Variants in SERPINH1 observed in about 807,000 individuals in gnomAD.
SERPINH1 encodes serpin family H member 1.
SERPINH1 carries 22 observed loss-of-function variants against 32.3 expected under a neutral mutation model. The ratio of observed to expected loss-of-function variants is 0.68; its 90% confidence interval spans 0.49 to 0.97. The LOEUF is 0.97. Ranked by LOEUF, SERPINH1 falls within the 50% of genes least tolerant of loss-of-function variation. The probability of loss-of-function intolerance (pLI) is 0.00; values close to 1 mark genes in which losing one functional copy is unlikely to be tolerated. For missense variants in SERPINH1, 543 were observed against 576.4 expected, an observed-to-expected ratio of 0.94 and a Z score of 0.59; for synonymous variants, 251 against 245.9, an observed-to-expected ratio of 1.02 and a Z score of -0.19.
At chr11:75,563,365 C>T (rs934608086) in intron 1 of SERPINH1, 1 of 152,494 alleles carries the variant, frequency 6.6e-6, no homozygotes, top group African/African-American at 2.4e-5. Context: ...CTCCTGTCTT[C>T]AGATGGTTCA....
chr11:75,566,422 G>A lies in SERPINH1; in HGVS notation c.73G>A (p.Ala25Thr), dbSNP rs775990446. ...AALAAEVKKP[A>T]AAAAPGTAEK... ...CCTGGCCGCCGAGGTGAAGAAACCT[G>A]CAGCCGCAGCAGCTCCTGGCACTGC... The change falls in exon 2 of 5, where the codon GCA becomes ACA. Residue 25 changes from alanine to threonine, a missense_variant. Transcript: ENST00000358171. 9.3e-6 allele frequency: 15 copies of A among 1,611,258 alleles called. No homozygotes were observed. The highest frequency in any genetic ancestry group is 1.7e-5 in the Admixed American group (1 of 59,816).
intron 4 of SERPINH1, 171 bp downstream of exon 4, chr11:75,569,342 G>A: frequency 3.3e-6 from 2 of 609,322 alleles, no homozygotes; most frequent in Non-Finnish European, 5.9e-6. Flanking sequence ...ATGCCCTTGG[G>A]AAGATGATGA....
rs370367671 is a variant in SERPINH1 at position 75,570,280 on chromosome 11, A to G, written c.954+1109A>G. Among the ~76,000 whole-genome samples the G allele has an allele frequency of 3.4e-4, 52 of 152,322 alleles. No homozygotes were observed. In the East Asian group the frequency reaches 8.3e-3, roughly 24 times the overall value. ...CTTGCTGCCCAGAGAGCTTGGAGAGATAAAGCTGGAGATGAAGTGGGGCTT... is the reference window on the plus strand; with the variant it reads ...CTTGCTGCCCAGAGAGCTTGGAGAGGTAAAGCTGGAGATGAAGTGGGGCTT... On this transcript the variant is annotated intron_variant, in intron 4 of 4. Transcript: ENST00000358171.
intron 3 of SERPINH1, 35 bp downstream of exon 3, chr11:75,568,864 T>G (rs755002360): frequency 2.5e-6 from 4 of 1,606,012 alleles, no homozygotes; most frequent in Non-Finnish European, 2.6e-6. Context: ...TCAAGGTGGG[T>G]GGGGGTCCAA....
rs575049272 is a variant in SERPINH1 at position 75,565,373 on chromosome 11, T to C, written c.-34-943T>C. Among the ~76,000 whole-genome samples the C allele has an allele frequency of 2.0e-5, 3 of 152,336 alleles. No homozygotes were observed. The East Asian group carries it at 5.8e-4, about 29-fold the overall frequency. On this transcript the variant is annotated intron_variant, in intron 1 of 4. Transcript: ENST00000358171. ...GGGGTCACTGCTCTATTGAGCTATGTGTGACTCACCCTTTTCCCTAGTATC... is the reference window on the plus strand; with the variant it reads ...GGGGTCACTGCTCTATTGAGCTATGCGTGACTCACCCTTTTCCCTAGTATC...
In SERPINH1 at chr11:75,572,218, G is replaced by C. The variant is rs964778897; in HGVS notation, c.*135G>C. ...GGTGGGGGTGGAAAAACAGACCGGGGTTCCCGTGTGCCTGAGCGGACCTTC... is the reference window on the plus strand; with the variant it reads ...GGTGGGGGTGGAAAAACAGACCGGGCTTCCCGTGTGCCTGAGCGGACCTTC... On this transcript the variant is annotated 3_prime_UTR_variant, in exon 5 of 5. Coordinates refer to ENST00000358171, the MANE Select transcript of SERPINH1 (RefSeq NM_001235.5). 4 of 850,868 alleles carry C rather than the reference G, an allele frequency of 4.7e-6. No individual in the cohort carries two copies. The highest frequency in any genetic ancestry group is 7.7e-6 in the Non-Finnish European group (4 of 522,516). The allele number at this position is 850,868 out of a possible 1,614,324, so 52.7% of individuals were successfully genotyped here.
chr11:75,566,384 TCCTGGAGGCGGC>T lies in SERPINH1; in HGVS notation c.41_52del (p.Glu14_Leu17del). 6.2e-7 allele frequency: 1 copy of T among 1,610,652 alleles called. No homozygotes were observed. Among genetic ancestry groups the T allele is most frequent in the Non-Finnish European group, 8.5e-7 (1 of 1,179,140 alleles). ...CTCCTGCTTCTCAGCGCCTTCTGCCTCCTGGAGGCGGCCCTGGCCGCCGAGGTGAAGAAACCT... is the reference window on the plus strand; with the variant it reads ...CTCCTGCTTCTCAGCGCCTTCTGCCTCCTGGCCGCCGAGGTGAAGAAACCT... On this transcript the variant is annotated inframe_deletion, in exon 2 of 5. Coordinates refer to ENST00000358171, the MANE Select transcript of SERPINH1 (RefSeq NM_001235.5).
intron 4 of SERPINH1, 61 bp downstream of exon 4, chr11:75,569,232 G>T: frequency 2.4e-6 from 3 of 1,264,062 alleles, no homozygotes; most frequent in Non-Finnish European, 1.1e-6. Context: ...GTGCTTGGGG[G>T]ACCCACTCAC....
intron 1 of SERPINH1, chr11:75,563,105 G>T (rs590121): frequency 0.35 from 53,949 of 152,120 alleles, 10,073 homozygotes; most frequent in African/African-American, 0.46. Context: ...AGGGTTCTTG[G>T]AGTAACTGCA....
intron 4 of SERPINH1, 90 bp from the exon 5 acceptor site, chr11:75,571,691 G>A: frequency 8.2e-7 from 1 of 1,221,406 alleles, no homozygotes; most frequent in Non-Finnish European, 1.2e-6. Flanking sequence ...CCTCTCTGAG[G>A]AGCGGTCAGG....
chr11:75,569,359 C>T, intron 4 of SERPINH1, 188 bp downstream of exon 4: 1 of 601,260 alleles, frequency 1.7e-6, no homozygotes, highest in Non-Finnish European at 3.0e-6. Context: ...ATGATAATAC[C>T]AGCAGCTAAA....
Position 75,566,838 on chromosome 11 carries a change from C to A in SERPINH1, c.489C>A (p.Phe163Leu), listed in dbSNP as rs1942094003. 1 of 1,612,692 alleles carries A rather than the reference C, an allele frequency of 6.2e-7. No individual in the cohort carries two copies. Among genetic ancestry groups the A allele is most frequent in the Non-Finnish European group, 8.5e-7 (1 of 1,179,980 alleles). Reference sequence around the variant, plus strand: ...ACTGCGAGCACTCCAAGATCAACTTCCGCGACAAGCGCAGCGCGCTGCAGT... The same window carrying A: ...ACTGCGAGCACTCCAAGATCAACTTACGCGACAAGCGCAGCGCGCTGCAGT... ...HYNCEHSKIN[F>L]RDKRSALQSI... The change falls in exon 2 of 5, where the codon TTC becomes TTA. Residue 163 changes from phenylalanine to leucine, a missense_variant. Transcript: ENST00000358171.
intron 1 of SERPINH1, among the ~76,000 whole-genome samples, chr11:75,563,960 G>T (rs909130915): frequency 6.6e-6 from 1 of 152,228 alleles, no homozygotes; most frequent in Non-Finnish European, 1.5e-5. Flanking sequence ...GTGGCAAGAT[G>T]GGCTGGGCTG....
At position 75,566,980 on chromosome 11, in the gene SERPINH1, G is replaced by A. The variant is rs769777035; in HGVS notation, c.622+9G>A. ...CGCCATGTTCTTCAAGCGTGAGTCGGGGGCGCGTTCAGGGGTCCTCCTCCT... is the reference window on the plus strand; with the variant it reads ...CGCCATGTTCTTCAAGCGTGAGTCGAGGGCGCGTTCAGGGGTCCTCCTCCT... On this transcript the variant is annotated intron_variant, in intron 2 of 4. Transcript: ENST00000358171. 1 of 1,589,002 alleles carries A rather than the reference G, an allele frequency of 6.3e-7. No homozygotes were observed. Among genetic ancestry groups the A allele is most frequent in the East Asian group, 2.2e-5 (1 of 44,576 alleles).
intron 4 of SERPINH1, among the ~76,000 whole-genome samples, chr11:75,570,683 T>A (rs372412171): frequency 3.9e-5 from 6 of 152,340 alleles, no homozygotes; most frequent in African/African-American, 1.4e-4. Context: ...TGAAGAATCC[T>A]GGACCCGGAT....
chr11:75,569,882 C>T (rs932663487), intron 4 of SERPINH1, among the ~76,000 whole-genome samples: 7 of 152,088 alleles, frequency 4.6e-5, no homozygotes, highest in South Asian at 2.1e-4. Context: ...AGCTAACCCT[C>T]GGTCACTGCA....
At chr11:75,571,522 C>T (rs866407264) in intron 4 of SERPINH1, among the ~76,000 whole-genome samples, 3 of 152,144 alleles carry the variant, frequency 2.0e-5, no homozygotes, top group Admixed American at 6.5e-5. Context: ...TGGGCAGTGC[C>T]GGGATACGTT....
In SERPINH1 at chr11:75,566,349, C is replaced by G. The variant is rs1036413644; in HGVS notation, c.-1C>G. The G allele has an allele frequency of 3.1e-6, 5 of 1,607,862 alleles. No individual in the cohort carries two copies. The highest frequency in any genetic ancestry group is 1.7e-5 in the Admixed American group (1 of 59,242). On this transcript the variant is annotated 5_prime_UTR_variant, in exon 2 of 5. Coordinates refer to ENST00000358171, the MANE Select transcript of SERPINH1 (RefSeq NM_001235.5). ...TGGTGCACGCAAACCACTTCCTGGCCATGCGCTCCCTCCTGCTTCTCAGCG... is the reference window on the plus strand; with the variant it reads ...TGGTGCACGCAAACCACTTCCTGGCGATGCGCTCCCTCCTGCTTCTCAGCG...
chr11:75,572,489 T>C lies in SERPINH1; in HGVS notation c.*406T>C. 1 of 294,130 alleles carries C rather than the reference T, an allele frequency of 3.4e-6. No homozygotes were observed. The allele number at this position is 294,130 out of a possible 1,614,324, so 18.2% of individuals were successfully genotyped here. A position where few individuals can be genotyped will look rare whatever the true frequency, so the allele number is the denominator to read the frequency against. ...AACACCTCAGCTGCCTCCCCAGCTC[T>C]ATCCCAACCTCTCCCAACTATAAAA... On this transcript the variant is annotated 3_prime_UTR_variant, in exon 5 of 5. Coordinates refer to ENST00000358171, the MANE Select transcript of SERPINH1 (RefSeq NM_001235.5).
Sources: allele counts gnomAD v4.1 joint callset (sites outside exome capture counted in the v4.1 genomes callset), GRCh38; gene constraint gnomAD v4.1.1; transcripts MANE v1.5; gene names NCBI Gene and HGNC (gene_info 2026-07-23, HGNC 2026-07-21).